The following CNTNAP2 variants were observed in gnomAD, a reference collection of about 807,000 sequenced individuals.
CNTNAP2 encodes contactin associated protein 2.
In CNTNAP2, 98 loss-of-function variants were observed where a neutral mutation model predicts 155.2. The observed-to-expected ratio is 0.63, with a 90% confidence interval of 0.54 to 0.75. CNTNAP2 has a LOEUF of 0.75. Among genes scored for constraint, CNTNAP2 ranks in the 30% least tolerant of loss-of-function variants. The pLI is 0.00. For missense variants in CNTNAP2, 1,727 were observed against 1,688.1 expected (o/e 1.02, Z -0.40); for synonymous variants, 651 against 631.2 (o/e 1.03, Z -0.47).
At chr7:148,027,600 T>C (rs921232354) in intron 15 of CNTNAP2, among the ~76,000 whole-genome samples, 27 of 152,126 alleles carry the variant, frequency 1.8e-4, no homozygotes, top group Non-Finnish European at 3.4e-4. Flanking sequence ...AGATTTTTAG[T>C]CTCCACTCCA....
intron 4 of CNTNAP2, among the ~76,000 whole-genome samples, chr7:147,065,356 A>G (rs1194902624): frequency 6.6e-6 from 1 of 152,224 alleles, no homozygotes; most frequent in Non-Finnish European, 1.5e-5. Flanking sequence ...ATTGGATAAG[A>G]ATGAAATTAA....
At chr7:147,664,066 T>C (rs1201208023) in intron 13 of CNTNAP2, among the ~76,000 whole-genome samples, 1 of 152,252 alleles carries the variant, frequency 6.6e-6, no homozygotes, top group African/African-American at 2.4e-5. Flanking sequence ...AAATTTTTCA[T>C]GTCAACTAGT....
At chr7:147,971,319 G>A (rs1443854367) in intron 14 of CNTNAP2, among the ~76,000 whole-genome samples, 2 of 151,842 alleles carry the variant, frequency 1.3e-5, no homozygotes, top group Non-Finnish European at 2.9e-5. Flanking sequence ...AATATTCATC[G>A]ATTTTAACTG....
At chr7:148,142,791 T>G (rs1183890711) in intron 16 of CNTNAP2, among the ~76,000 whole-genome samples, 2 of 152,228 alleles carry the variant, frequency 1.3e-5, no homozygotes, top group Non-Finnish European at 2.9e-5. Flanking sequence ...TATCGCTCAA[T>G]ATACTAAGCT....
rs1797713440 is a variant in CNTNAP2, at chr7:147,445,227, T to C, written c.1671-40708T>C. Among the ~76,000 whole-genome samples the C allele has an allele frequency of 2.0e-5, 3 of 152,370 alleles. No individual in the cohort carries two copies. In the South Asian group the frequency reaches 6.2e-4, roughly 32 times the overall value. ...CAGGGACAGGTGCCCTCCTGCTTTA[T>C]GGATGATTTAAAGTTATTATAACAG... On this transcript the variant is annotated intron_variant, in intron 10 of 23. Coordinates refer to ENST00000361727, the MANE Select transcript of CNTNAP2 (RefSeq NM_014141.6).
At chr7:146,575,280 C>A (rs1563141334) in intron 1 of CNTNAP2, among the ~76,000 whole-genome samples, 1 of 152,212 alleles carries the variant, frequency 6.6e-6, no homozygotes, top group East Asian at 1.9e-4. Context: ...CCACGCCCGG[C>A]TAATTTTTGT....
chr7:146,173,233 C>T (rs528016660), intron 1 of CNTNAP2, among the ~76,000 whole-genome samples: 1 of 152,184 alleles, frequency 6.6e-6, no homozygotes, highest in Admixed American at 6.5e-5. Flanking sequence ...TCTTATTATA[C>T]ATTATTAGAG....
intron 1 of CNTNAP2, among the ~76,000 whole-genome samples, chr7:146,374,836 G>T (rs568583380): frequency 6.6e-4 from 101 of 152,246 alleles, no homozygotes; most frequent in African/African-American, 2.1e-3. Context: ...TTATGATTTT[G>T]TAAATGGAAT....
chr7:148,147,770 C>CA lies in CNTNAP2; in HGVS notation c.2773+76dup, dbSNP rs5888307. 0.026 allele frequency: 32,077 copies of CA among 1,222,486 alleles called. 85 individuals carry two copies. Among genetic ancestry groups the CA allele is most frequent in the African/African-American group, 0.063 (3,890 of 61,302 alleles). The allele number at this position is 1,222,486 out of a possible 1,614,324, so 75.7% of individuals were successfully genotyped here. A position where few individuals can be genotyped will look rare whatever the true frequency, so the allele number is the denominator to read the frequency against. ...TTGATTTTTAAGAGCCTGCACAATA[C>CA]AAAAAAAAAAAAAAATCAGCCTATG... is the stretch of plus-strand genomic sequence containing the variant. On this transcript the variant is annotated intron_variant, in intron 17 of 23. Transcript: ENST00000361727.
chr7:147,760,338 T>C (rs762607059), intron 13 of CNTNAP2, among the ~76,000 whole-genome samples: 7 of 152,196 alleles, frequency 4.6e-5, no homozygotes, highest in Non-Finnish European at 7.3e-5. Flanking sequence ...AATGTGATTT[T>C]TCCCTTTAAA....
intron 1 of CNTNAP2, among the ~76,000 whole-genome samples, chr7:146,704,200 C>A (rs891809224): frequency 6.6e-5 from 10 of 152,098 alleles, no homozygotes; most frequent in African/African-American, 2.4e-4. Context: ...GTCATTGCCA[C>A]TCATTGTAAA....
intron 1 of CNTNAP2, among the ~76,000 whole-genome samples, chr7:146,380,363 A>C (rs1215132749): frequency 6.6e-6 from 1 of 152,206 alleles, no homozygotes; most frequent in Non-Finnish European, 1.5e-5. Context: ...AAAATGTGGT[A>C]ATGGAGATCG....
intron 1 of CNTNAP2, among the ~76,000 whole-genome samples, chr7:146,426,840 G>A (rs1342758088): frequency 1.3e-5 from 2 of 150,358 alleles, no homozygotes; most frequent in Admixed American, 6.7e-5. Context: ...AGAGTAGATT[G>A]TAAGTGTTCT....
intron 13 of CNTNAP2, among the ~76,000 whole-genome samples, chr7:147,680,365 T>C (rs1419659710): frequency 6.6e-6 from 1 of 151,920 alleles, no homozygotes; most frequent in African/African-American, 2.4e-5. Flanking sequence ...GAGAATATCA[T>C]CTGTTTTTCT....
intron 10 of CNTNAP2, among the ~76,000 whole-genome samples, chr7:147,407,467 CAAAAAAAAAAAAAAAAAAAA>C (rs768738493): frequency 1.2e-4 from 8 of 64,904 alleles, no homozygotes; most frequent in Admixed American, 2.4e-4. Context: ...GACTCCCTCT[CAAAAAAAAAAAAAAAAAAAA>C]AAAAAAAAAA....
intron 1 of CNTNAP2, among the ~76,000 whole-genome samples, chr7:146,599,521 T>C (rs1297051292): frequency 6.6e-6 from 1 of 152,030 alleles, no homozygotes; most frequent in Non-Finnish European, 1.5e-5. Flanking sequence ...TATACCTAAA[T>C]ATATCCACCA....
At chr7:147,497,831 C>G (rs1048790058) in intron 11 of CNTNAP2, among the ~76,000 whole-genome samples, 1 of 152,158 alleles carries the variant, frequency 6.6e-6, no homozygotes. Flanking sequence ...CCTAAATTAC[C>G]TGAAGCTAGG....
intron 7 of CNTNAP2, among the ~76,000 whole-genome samples, chr7:147,131,020 C>A (rs1801341000): frequency 7.3e-6 from 1 of 136,616 alleles, no homozygotes; most frequent in African/African-American, 2.6e-5. Context: ...AAGAAATCAG[C>A]ATCAGGTATA....
At chr7:146,751,885 C>T (rs545190922) in intron 1 of CNTNAP2, among the ~76,000 whole-genome samples, 6 of 152,142 alleles carry the variant, frequency 3.9e-5, no homozygotes, top group African/African-American at 7.2e-5. Context: ...GTTTGGTTTT[C>T]GGTTCTTGTG....
Sources: allele counts gnomAD v4.1 joint callset (sites outside exome capture counted in the v4.1 genomes callset), GRCh38; gene constraint gnomAD v4.1.1; transcripts MANE v1.5; gene names NCBI Gene and HGNC (gene_info 2026-07-23, HGNC 2026-07-21).